SMARCA2: variants seen among roughly 807,000 people sequenced by gnomAD.
The protein encoded by SMARCA2 is SWI/SNF related BAF chromatin remodeling complex subunit ATPase 2, also known as SWI/SNF-related matrix-associated actin-dependent regulator of chromatin subfamily A member 2.
In SMARCA2, 61 loss-of-function variants were observed where a neutral mutation model predicts 199.8. The ratio of observed to expected loss-of-function variants is 0.31; its 90% CI spans 0.25 to 0.38. The LOEUF is 0.38. Among genes scored for constraint, SMARCA2 ranks in the 10% least tolerant of loss-of-function variants. SMARCA2 has a pLI of 1.00. For missense variants in SMARCA2, 1,344 were observed against 2,012.2 expected (o/e 0.67, Z 6.35); for synonymous variants, 935 against 732.0 (o/e 1.28, Z -4.48).
chr9:2,019,522 G>A (rs931427380), intron 1 of SMARCA2, among the ~76,000 whole-genome samples: 4 of 149,028 alleles, frequency 2.7e-5, no homozygotes, highest in Admixed American at 1.3e-4. Context: ...AAAGTGCCTC[G>A]GCTTGTATTA....
intron 27 of SMARCA2, among the ~76,000 whole-genome samples, chr9:2,146,996 T>A (rs1824782884): frequency 6.6e-6 from 1 of 152,094 alleles, no homozygotes; most frequent in South Asian, 2.1e-4. Flanking sequence ...GCCCAGTAGG[T>A]TTCAGCTTTA....
chr9:2,175,348 C>T (rs1372171926), intron 29 of SMARCA2, among the ~76,000 whole-genome samples: 4 of 144,652 alleles, frequency 2.8e-5, no homozygotes, highest in Non-Finnish European at 6.0e-5. Context: ...CTCTCTGGAT[C>T]TTACGTCCTG....
intron 31 of SMARCA2, among the ~76,000 whole-genome samples, chr9:2,185,807 A>T (rs1827400263): frequency 6.6e-6 from 1 of 152,208 alleles, no homozygotes; most frequent in Non-Finnish European, 1.5e-5. Context: ...ATGTAGTTTT[A>T]AAAAATACCA....
At chr9:2,062,514 G>T (rs990811532) in intron 9 of SMARCA2, among the ~76,000 whole-genome samples, 1 of 152,224 alleles carries the variant, frequency 6.6e-6, no homozygotes, top group Admixed American at 6.5e-5. Flanking sequence ...ATACACAATT[G>T]AGTGTTGATG....
At chr9:2,122,827 T>A (rs917330197) in intron 26 of SMARCA2, among the ~76,000 whole-genome samples, 1 of 152,264 alleles carries the variant, frequency 6.6e-6, no homozygotes, top group Non-Finnish European at 1.5e-5. Flanking sequence ...CTAGTGTTTA[T>A]ACATAATGTC....
At chr9:2,076,547 CCCTTTCTTT>C (rs769835620) in intron 13 of SMARCA2, among the ~76,000 whole-genome samples, 9 of 151,734 alleles carry the variant, frequency 5.9e-5, no homozygotes, top group Non-Finnish European at 7.4e-5. Context: ...TCCCTTTCTT[CCCTTTCTTT>C]CTCACTTCCT....
chr9:2,052,091 G>GT (rs1293635869), intron 5 of SMARCA2, among the ~76,000 whole-genome samples: 2 of 152,174 alleles, frequency 1.3e-5, no homozygotes, highest in African/African-American at 4.8e-5. Flanking sequence ...AAAATGATGA[G>GT]TTTATTATTG....
chr9:2,058,480 C>T lies in SMARCA2; in HGVS notation c.1521+16C>T. 1.2e-6 allele frequency: 2 copies of T among 1,610,076 alleles called. No individual in the cohort carries two copies. Among genetic ancestry groups the T allele is most frequent in the Non-Finnish European group, 8.5e-7 (1 of 1,177,064 alleles). ...GCGACTGATGGTAAGGAACTCCCTG[C>T]AGGAGCCCAGGAAACTACTCAACCC... On this transcript the variant is annotated intron_variant, in intron 8 of 33. Coordinates refer to ENST00000349721, the MANE Select transcript of SMARCA2 (RefSeq NM_003070.5).
intron 21 of SMARCA2, among the ~76,000 whole-genome samples, chr9:2,099,121 C>A (rs7853754): frequency 0.038 from 5,758 of 152,174 alleles, 370 homozygotes; most frequent in African/African-American, 0.13. Context: ...ATAGATTATA[C>A]TACTGGCAGG....
intron 31 of SMARCA2, among the ~76,000 whole-genome samples, chr9:2,183,871 C>T (rs946652449): frequency 2.0e-5 from 3 of 152,146 alleles, no homozygotes; most frequent in Admixed American, 2.0e-4. Flanking sequence ...TATTTGGATT[C>T]TTTATGTCAA....
chr9:2,171,075 C>G lies in SMARCA2; in HGVS notation c.4253+603C>G, dbSNP rs558928519. Among the ~76,000 whole-genome samples the G allele has an allele frequency of 2.0e-5, 3 of 152,248 alleles. No individual in the cohort carries two copies. In the East Asian group the frequency reaches 5.8e-4, roughly 29 times the overall value. On this transcript the variant is annotated intron_variant, in intron 29 of 33. Coordinates refer to ENST00000349721, the MANE Select transcript of SMARCA2 (RefSeq NM_003070.5). ...CCAGTCTCTTTCAACCTCTGTGTGC[C>G]TTTGCTTCTGTTGGGTAGAAAGCAG...
At chr9:2,049,383 C>G (rs1820021180) in intron 5 of SMARCA2, among the ~76,000 whole-genome samples, 1 of 152,108 alleles carries the variant, frequency 6.6e-6, no homozygotes. Context: ...TACTATTTGG[C>G]CTATTCCAAT....
At position 2,086,888 on chromosome 9, in the gene SMARCA2, G is replaced by A. The variant is rs1821824404; in HGVS notation, c.2586G>A (p.Lys862=). 6.2e-7 allele frequency: 1 copy of A among 1,614,176 alleles called. No homozygotes were observed. Among genetic ancestry groups the A allele is most frequent in the Non-Finnish European group, 8.5e-7 (1 of 1,180,008 alleles). ...ACCGAATGAAGAATCACCACTGCAA[G>A]CTGACTCAGGTCTTGAACACTCACT... ...EGHRMKNHHC[K]LTQVLNTHYV... is the part of the protein sequence containing the mutation. The change falls in exon 18 of 34, where the codon AAG becomes AAA. Residue 862 remains lysine, a synonymous_variant. Transcript: ENST00000349721. This position sits in a 1 kb window ranked among gnomAD's most constrained non-coding sequence, Gnocchi z 4.3.
intron 27 of SMARCA2, among the ~76,000 whole-genome samples, chr9:2,143,907 T>C (rs987800996): frequency 3.3e-5 from 5 of 152,178 alleles, no homozygotes; most frequent in Non-Finnish European, 7.4e-5. Context: ...CCCTTTCCCC[T>C]CTGAAGGTTC....
intron 27 of SMARCA2, among the ~76,000 whole-genome samples, chr9:2,138,474 T>G (rs1824312906): frequency 6.6e-6 from 1 of 152,214 alleles, no homozygotes; most frequent in Non-Finnish European, 1.5e-5. Flanking sequence ...TCATGCTGTT[T>G]TGAAGAATAT....
intron 27 of SMARCA2, among the ~76,000 whole-genome samples, chr9:2,143,825 A>T (rs1824582273): frequency 6.6e-6 from 1 of 152,232 alleles, no homozygotes; most frequent in Non-Finnish European, 1.5e-5. Flanking sequence ...GACTCCAAAA[A>T]GAAGCGCAGG....
chr9:2,187,851 G>T (rs1383443478), intron 32 of SMARCA2, among the ~76,000 whole-genome samples: 1 of 152,122 alleles, frequency 6.6e-6, no homozygotes, highest in Non-Finnish European at 1.5e-5. Flanking sequence ...AGCTGAGGTG[G>T]CTGGATCACT....
chr9:2,182,040 C>A, intron 30 of SMARCA2, 101 bp from the exon 31 acceptor site: 1 of 828,960 alleles, frequency 1.2e-6, no homozygotes, highest in Non-Finnish European at 2.1e-6. Flanking sequence ...GGGCTTTATG[C>A]TGTGAAGACA....
In SMARCA2 at chr9:2,063,582, A is replaced by G. The variant is rs1384821242; in HGVS notation, c.1692+2596A>G. Reference sequence around the variant, plus strand: ...GAAAACCTACTTTACTCAGTGAGCTAGTAGTTAATAGCACTGAGCTGGTAG... The same window carrying G: ...GAAAACCTACTTTACTCAGTGAGCTGGTAGTTAATAGCACTGAGCTGGTAG... On this transcript the variant is annotated intron_variant, in intron 9 of 33. Transcript: ENST00000349721. Among the ~76,000 whole-genome samples, 5 of 152,376 alleles carry G rather than the reference A, an allele frequency of 3.3e-5. No individual in the cohort carries two copies. The East Asian group carries it at 9.6e-4, about 29-fold the overall frequency.
Sources: gnomAD v4.1 joint callset for allele counts (sites outside exome capture counted in the v4.1 genomes callset) on GRCh38, gnomAD v4.1.1 for gene constraint, Gnocchi (gnomAD v3.1) non-coding constraint, MANE v1.5 for transcripts, NCBI Gene and HGNC (gene_info 2026-07-23, HGNC 2026-07-21) for gene names.